The following MAML2 variants were observed in gnomAD, a reference collection of about 807,000 sequenced individuals.
The protein encoded by MAML2 is mastermind-like protein 2.
Under a neutral mutation model 96.1 loss-of-function variants are expected in MAML2, and 22 were observed. The observed-to-expected ratio is 0.23, with a 90% CI of 0.16 to 0.33. The LOEUF (loss-of-function observed/expected upper bound fraction) is 0.33, where lower values mean the gene tolerates loss of function less well. MAML2 is among the 10% of genes least tolerant of loss of function. The pLI is 1.00. For synonymous variants in MAML2, 561 were observed against 521.3 expected, an observed-to-expected ratio of 1.08 and a Z score of -1.04; for missense variants, 1,367 against 1,392.4, an observed-to-expected ratio of 0.98 and a Z score of 0.29.
chr11:96,188,958 A>C (rs768713541), intron 1 of MAML2, among the ~76,000 whole-genome samples: 5 of 152,230 alleles, frequency 3.3e-5, no homozygotes, highest in Non-Finnish European at 7.3e-5. Context: ...CAAATGTCCA[A>C]AGAGCCACTG....
chr11:96,089,611 T>G (rs1259493586), intron 2 of MAML2, among the ~76,000 whole-genome samples: 1 of 152,188 alleles, frequency 6.6e-6, no homozygotes, highest in Non-Finnish European at 1.5e-5. Flanking sequence ...ATGTGTATAC[T>G]TCCCTCCTAA....
At chr11:96,001,182 G>A (rs1428341270) in intron 2 of MAML2, among the ~76,000 whole-genome samples, 1 of 152,156 alleles carries the variant, frequency 6.6e-6, no homozygotes, top group Non-Finnish European at 1.5e-5. Flanking sequence ...TCACCAGGAC[G>A]CTGTGTCTAT....
chr11:96,116,828 A>C (rs1005150284), intron 1 of MAML2, among the ~76,000 whole-genome samples: 17 of 152,238 alleles, frequency 1.1e-4, no homozygotes, highest in African/African-American at 4.1e-4. Flanking sequence ...GTATCTACTA[A>C]GTGCAAAGTA....
At chr11:96,285,967 T>C (rs1863133629) in intron 1 of MAML2, among the ~76,000 whole-genome samples, 1 of 152,140 alleles carries the variant, frequency 6.6e-6, no homozygotes, top group Non-Finnish European at 1.5e-5. Context: ...AGCAATCCCG[T>C]TACTGGGTAT....
intron 1 of MAML2, among the ~76,000 whole-genome samples, chr11:96,277,282 G>A (rs1440532021): frequency 6.6e-6 from 1 of 152,020 alleles, no homozygotes; most frequent in Non-Finnish European, 1.5e-5. Flanking sequence ...AGATGCATGA[G>A]TGTTTGTTAC....
At chr11:96,029,980 T>C (rs531525566) in intron 2 of MAML2, among the ~76,000 whole-genome samples, 1 of 152,314 alleles carries the variant, frequency 6.6e-6, no homozygotes, top group African/African-American at 2.4e-5. Context: ...ACGCCTATAA[T>C]CCCAGCACTT....
chr11:96,318,740 G>A (rs1863663666), intron 1 of MAML2, among the ~76,000 whole-genome samples: 1 of 152,142 alleles, frequency 6.6e-6, no homozygotes, highest in South Asian at 2.1e-4. Flanking sequence ...ATATCCTAAG[G>A]ACTTAAAATA....
intron 2 of MAML2, among the ~76,000 whole-genome samples, chr11:96,042,642 C>T (rs148310198): frequency 1.1e-4 from 17 of 152,244 alleles, no homozygotes; most frequent in Middle Eastern, 3.4e-3. Flanking sequence ...CAGGCCTGTT[C>T]CCCATGAAGC....
chr11:96,221,661 G>A (rs1018768559), intron 1 of MAML2, among the ~76,000 whole-genome samples: 3 of 150,998 alleles, frequency 2.0e-5, no homozygotes, highest in Non-Finnish European at 4.4e-5. Flanking sequence ...CACAGTATAG[G>A]GAAGATGTGA....
At position 96,093,099 on chromosome 11, in the gene MAML2, T is replaced by C; in HGVS notation, c.932A>G (p.Asn311Ser). Residue 311 changes from asparagine to serine, a missense_variant, in exon 2 of 5, where the codon AAT becomes AGT. Coordinates refer to ENST00000524717, the MANE Select transcript of MAML2 (RefSeq NM_032427.4). Reference protein sequence around the residue: ...LMDPELQELFNELTNISVPPM... With the variant: ...LMDPELQELFSELTNISVPPM... ...AGGCACAGATATGTTGGTCAGTTCA[T>C]TGAACAGTTCCTGCAGCTCAGGATC... 1 of 1,614,018 alleles carries C rather than the reference T, an allele frequency of 6.2e-7. No individual in the cohort carries two copies. Among genetic ancestry groups the C allele is most frequent in the Non-Finnish European group, 8.5e-7 (1 of 1,179,870 alleles).
intron 1 of MAML2, among the ~76,000 whole-genome samples, chr11:96,210,421 T>C (rs1022679115): frequency 4.6e-5 from 7 of 152,238 alleles, no homozygotes; most frequent in Non-Finnish European, 8.8e-5. Flanking sequence ...CTTATCATTT[T>C]AGATATGTCC....
intron 1 of MAML2, among the ~76,000 whole-genome samples, chr11:96,270,805 A>C (rs1280332297): frequency 6.6e-6 from 1 of 152,180 alleles, no homozygotes; most frequent in Non-Finnish European, 1.5e-5. Context: ...TGAAAGATGC[A>C]AAAGTATTGT....
At chr11:96,279,473 T>G (rs1863035348) in intron 1 of MAML2, among the ~76,000 whole-genome samples, 1 of 152,162 alleles carries the variant, frequency 6.6e-6, no homozygotes, top group African/African-American at 2.4e-5. Flanking sequence ...AAGTATTTTA[T>G]GTCTTGTAAA....
intron 1 of MAML2, among the ~76,000 whole-genome samples, chr11:96,191,339 C>T (rs1861650310): frequency 6.6e-6 from 1 of 151,982 alleles, no homozygotes; most frequent in East Asian, 1.9e-4. Context: ...TGGCGCATGC[C>T]TGTAGTCCCA....
At chr11:96,300,989 G>T (rs1201187871) in intron 1 of MAML2, among the ~76,000 whole-genome samples, 1 of 152,212 alleles carries the variant, frequency 6.6e-6, no homozygotes, top group East Asian at 1.9e-4. Context: ...TTTTGAGGAT[G>T]AAATGTAAAA....
At chr11:96,122,527 T>TGCAC (rs1282681366) in intron 1 of MAML2, among the ~76,000 whole-genome samples, 1 of 148,900 alleles carries the variant, frequency 6.7e-6, no homozygotes, top group South Asian at 2.1e-4. Context: ...TGTGTGTGTG[T>TGCAC]GTGCACGTGC....
intron 2 of MAML2, among the ~76,000 whole-genome samples, chr11:96,007,806 C>T (rs1426728822): frequency 2.1e-5 from 3 of 142,856 alleles, no homozygotes; most frequent in African/African-American, 7.9e-5. Context: ...TATTCTCACT[C>T]ATAGGTGGGA....
chr11:96,206,944 G>A (rs1459339603), intron 1 of MAML2, among the ~76,000 whole-genome samples: 1 of 152,142 alleles, frequency 6.6e-6, no homozygotes, highest in African/African-American at 2.4e-5. Context: ...TATAGACCAC[G>A]ATGAAGTGTT....
chr11:96,247,102 T>C lies in MAML2; in HGVS notation c.513+94281A>G, dbSNP rs115274828. On this transcript the variant is annotated intron_variant, in intron 1 of 4. Coordinates refer to ENST00000524717, the MANE Select transcript of MAML2 (RefSeq NM_032427.4). Reference sequence around the variant, plus strand: ...ATTCTGTTGACTGGCAGCTTCAGGTTACAAGCAGAGAACAGAGAGCCCTCA... The same window carrying C: ...ATTCTGTTGACTGGCAGCTTCAGGTCACAAGCAGAGAACAGAGAGCCCTCA... Among the ~76,000 whole-genome samples, 1,165 of 152,196 alleles carry C rather than the reference T, an allele frequency of 7.7e-3. 20 individuals are homozygous for C. Among genetic ancestry groups the C allele is most frequent in the African/African-American group, 0.026 (1,060 of 41,528 alleles).
Sources: allele counts gnomAD v4.1 joint callset (sites outside exome capture counted in the v4.1 genomes callset), GRCh38; gene constraint gnomAD v4.1.1; transcripts MANE v1.5; gene names NCBI Gene and HGNC (gene_info 2026-07-23, HGNC 2026-07-21).